Variants in SNTB1 observed in about 807,000 individuals in gnomAD.
SNTB1 encodes the protein syntrophin beta 1, also known as beta-1-syntrophin.
SNTB1 carries 36 observed loss-of-function variants against 48.9 expected under a neutral mutation model. The observed-to-expected ratio is 0.74, with a 90% CI of 0.56 to 0.97. The LOEUF is 0.97. Ranked by LOEUF, SNTB1 falls within the 50% of genes least tolerant of loss-of-function variation. The pLI, the probability that SNTB1 is intolerant of heterozygous loss-of-function variation, is 0.00. For missense variants in SNTB1, 786 were observed against 703.4 expected, an observed-to-expected ratio of 1.12 and a Z score of -1.33; for synonymous variants, 299 against 294.6, an observed-to-expected ratio of 1.01 and a Z score of -0.15.
At chr8:120,794,565 TTAATGA>T (rs1278897962) in intron 1 of SNTB1, among the ~76,000 whole-genome samples, 2 of 148,262 alleles carry the variant, frequency 1.3e-5, no homozygotes, top group African/African-American at 5.2e-5. Context: ...GGGGCTGTTA[TTAATGA>T]TAATCTTGTT....
chr8:120,781,584 C>A (rs1375994468), intron 1 of SNTB1, among the ~76,000 whole-genome samples: 1 of 152,078 alleles, frequency 6.6e-6, no homozygotes, highest in Non-Finnish European at 1.5e-5. Flanking sequence ...AGTGGGTGAC[C>A]CAAGGCCATG....
chr8:120,674,828 T>C (rs1817809979), intron 2 of SNTB1, among the ~76,000 whole-genome samples: 1 of 152,180 alleles, frequency 6.6e-6, no homozygotes. Flanking sequence ...CTCTATTCTT[T>C]ATTTTTCAAA....
chr8:120,761,558 T>C (rs1047640243), intron 1 of SNTB1, among the ~76,000 whole-genome samples: 6 of 152,224 alleles, frequency 3.9e-5, no homozygotes, highest in Admixed American at 6.5e-5. Flanking sequence ...AGTTCTTTTA[T>C]TTTTGATCAT....
intron 5 of SNTB1, among the ~76,000 whole-genome samples, chr8:120,548,029 G>A (rs969160450): frequency 3.3e-5 from 5 of 152,134 alleles, no homozygotes; most frequent in African/African-American, 7.2e-5. Context: ...TCTTGGGGGC[G>A]GATCCTTCAT....
At chr8:120,773,711 A>G (rs1254880223) in intron 1 of SNTB1, among the ~76,000 whole-genome samples, 1 of 152,242 alleles carries the variant, frequency 6.6e-6, no homozygotes, top group African/African-American at 2.4e-5. Flanking sequence ...GCCAAATACA[A>G]TAACCTTATA....
chr8:120,618,500 C>A (rs6988919), intron 3 of SNTB1, among the ~76,000 whole-genome samples: 1 of 152,054 alleles, frequency 6.6e-6, no homozygotes, highest in African/African-American at 2.4e-5. Context: ...CATAGTCCCA[C>A]TACTTTCACT....
intron 1 of SNTB1, among the ~76,000 whole-genome samples, chr8:120,810,736 C>G (rs2130199214): frequency 6.6e-6 from 1 of 152,294 alleles, no homozygotes; most frequent in South Asian, 2.1e-4. Flanking sequence ...TTTTAGCATT[C>G]ACAATATTGC....
chr8:120,811,575 C>A lies in SNTB1; in HGVS notation c.269G>T (p.Gly90Val). The part of the protein sequence containing the change: ...GGAQPPDSPA[G>V]VRTAFTDLPE... ...CAGGTCGGTGAAAGCGGTGCGGACC[C>A]CGGCGGGCGAGTCCGGGGGCTGCGC... is the stretch of plus-strand genomic sequence containing the variant. The change falls in exon 1 of 7, where the codon GGG becomes GTG. Residue 90 changes from glycine to valine, a missense_variant. By Grantham distance (109) the Gly-to-Val change is moderately radical. Coordinates refer to ENST00000517992, the MANE Select transcript of SNTB1 (RefSeq NM_021021.4). The A allele has an allele frequency of 6.4e-7, 1 of 1,564,916 alleles. No homozygotes were observed. Among genetic ancestry groups the A allele is most frequent in the Non-Finnish European group, 8.7e-7 (1 of 1,155,440 alleles).
intron 1 of SNTB1, among the ~76,000 whole-genome samples, chr8:120,775,935 G>A (rs1389119748): frequency 6.6e-6 from 1 of 152,140 alleles, no homozygotes; most frequent in Non-Finnish European, 1.5e-5. Flanking sequence ...TGCACAACGT[G>A]CAGGTTTGCT....
intron 1 of SNTB1, among the ~76,000 whole-genome samples, chr8:120,729,780 C>A (rs531845142): frequency 5.9e-5 from 9 of 152,316 alleles, no homozygotes; most frequent in Middle Eastern, 3.4e-3. Flanking sequence ...CCTAATTTAC[C>A]ATCGACCTCA....
At chr8:120,761,078 T>C (rs1378602013) in intron 1 of SNTB1, among the ~76,000 whole-genome samples, 2 of 152,202 alleles carry the variant, frequency 1.3e-5, no homozygotes, top group African/African-American at 2.4e-5. Flanking sequence ...CTTAAATCTA[T>C]AATGATGGAG....
chr8:120,586,599 G>A (rs549805964), intron 3 of SNTB1, among the ~76,000 whole-genome samples: 9 of 152,176 alleles, frequency 5.9e-5, no homozygotes, highest in East Asian at 1.9e-4. Context: ...TGGATGATCC[G>A]GGATCCTCTC....
chr8:120,632,186 C>T (rs1219912744), intron 3 of SNTB1, among the ~76,000 whole-genome samples: 4 of 152,160 alleles, frequency 2.6e-5, no homozygotes, highest in East Asian at 1.9e-4. Context: ...AACTATTCCT[C>T]GACTCACTCA....
At chr8:120,806,483 ATTTAT>A (rs1820339365) in intron 1 of SNTB1, among the ~76,000 whole-genome samples, 1 of 152,200 alleles carries the variant, frequency 6.6e-6, no homozygotes, top group Non-Finnish European at 1.5e-5. Flanking sequence ...TGTTTTAACA[ATTTAT>A]TTTATTTCTC....
At chr8:120,789,853 T>C (rs1161927351) in intron 1 of SNTB1, among the ~76,000 whole-genome samples, 1 of 151,882 alleles carries the variant, frequency 6.6e-6, no homozygotes. Flanking sequence ...TTCCAAAGAT[T>C]GAGAAGGAGA....
At chr8:120,538,995 G>A (rs1189537247) in intron 6 of SNTB1, 26 bp from the exon 7 acceptor site, 1 of 1,566,728 alleles carries the variant, frequency 6.4e-7, no homozygotes, top group African/African-American at 1.4e-5. Flanking sequence ...AAGAGAGCAT[G>A]AGCGATTTTA....
intron 3 of SNTB1, among the ~76,000 whole-genome samples, chr8:120,611,493 G>A (rs889717488): frequency 1.3e-5 from 2 of 152,100 alleles, no homozygotes; most frequent in African/African-American, 2.4e-5. Context: ...CCTCTGAGAC[G>A]AGAGATAATG....
chr8:120,630,711 A>G (rs1390568978), intron 3 of SNTB1, among the ~76,000 whole-genome samples: 1 of 152,050 alleles, frequency 6.6e-6, no homozygotes, highest in Non-Finnish European at 1.5e-5. Context: ...GATTTTTTCC[A>G]TTAGAGAACC....
intron 2 of SNTB1, chr8:120,635,970 CT>C: frequency 4.9e-6 from 3 of 615,918 alleles, no homozygotes; most frequent in Non-Finnish European, 7.8e-6. Context: ...ATGCCCTCTC[CT>C]TTACTTGCTC....
Sources: allele counts gnomAD v4.1 joint callset (sites outside exome capture counted in the v4.1 genomes callset), GRCh38; gene constraint gnomAD v4.1.1; transcripts MANE v1.5; gene names NCBI Gene and HGNC (gene_info 2026-07-23, HGNC 2026-07-21).